DSP: variants seen among roughly 807,000 people sequenced by gnomAD.
DSP encodes desmoplakin, also known as 250/210 kDa paraneoplastic pemphigus antigen.
DSP carries 114 observed loss-of-function variants against 290.6 expected under a neutral mutation model. The observed-to-expected ratio is 0.39, with a 90% confidence interval of 0.34 to 0.46. The LOEUF is 0.46. Among genes scored for constraint, DSP ranks in the 20% least tolerant of loss-of-function variants. The pLI is 0.99. For missense variants in DSP, 3,230 were observed against 3,495.8 expected (o/e 0.92, Z 1.92); for synonymous variants, 1,311 against 1,316.4 (o/e 1.00, Z 0.09).
chr6:7,585,044 C>T lies in DSP; in HGVS notation c.7782C>T (p.Ser2594=). Residue 2594 remains serine, a synonymous_variant, in exon 24 of 24, where the codon TCC becomes TCT. Transcript: ENST00000379802. ...GACATGAATCAGTAAGTAAGATTTC[C>T]ACCATATCCAGCGTCAGGAATTTAA... is the stretch of plus-strand genomic sequence containing the variant. ...SSRHESVSKI[S]TISSVRNLTI... is the part of the protein sequence containing the mutation. 2 of 1,614,196 alleles carry T rather than the reference C, an allele frequency of 1.2e-6. No homozygotes were observed. The highest frequency in any genetic ancestry group is 1.7e-6 in the Non-Finnish European group (2 of 1,180,036).
At position 7,574,572 on chromosome 6, in the gene DSP, C is replaced by T. The variant is rs2259208; in HGVS notation, c.2298-85C>T. 0.64 allele frequency: 1,010,403 copies of T among 1,579,540 alleles called. 325,928 individuals carry two copies. The highest frequency in any genetic ancestry group is 0.83 in the African/African-American group (61,881 of 74,268). ...ATTTTTATCTGCTTTGACGTTGTTC[C>T]CTTTCATTACTAGCTGTGAGAGGCA... On this transcript the variant is annotated intron_variant, in intron 16 of 23. Coordinates refer to ENST00000379802, the MANE Select transcript of DSP (RefSeq NM_004415.4).
rs371234425 is a variant in DSP at position 7,578,483 on chromosome 6, G to A, written c.3005G>A (p.Arg1002Gln). The A allele has an allele frequency of 2.2e-5, 35 of 1,613,076 alleles. No individual in the cohort carries two copies. The highest frequency in any genetic ancestry group is 6.7e-5 in the African/African-American group (5 of 74,704). Residue 1002 changes from arginine to glutamine, a missense_variant, in exon 22 of 24, where the codon CGG (arginine) becomes CAG (glutamine). Physicochemically the swap from Arg to Gln is conservative, Grantham distance 43 (BLOSUM62 1). Around this residue, in one of 5 missense-constraint regions of DSP, gnomAD observed 1,714 missense variants for 1,844.5 expected, o/e 0.93. Coordinates refer to ENST00000379802, the MANE Select transcript of DSP (RefSeq NM_004415.4). Reference sequence around the variant, plus strand: ...TCCAAGGCTGCAGATGTTCATGCTCGGTACATTGAACTACTTACAAGATCT... The same window carrying A: ...TCCAAGGCTGCAGATGTTCATGCTCAGTACATTGAACTACTTACAAGATCT... ...ILQEAADVHA[R>Q]YIELLTRSGD...
chr6:7,566,435 G>A lies in DSP; in HGVS notation c.998G>A (p.Ser333Asn), dbSNP rs749695729. Reference protein sequence around the residue: ...EKELNKLKQESDQLVLNQHPA... With the variant: ...EKELNKLKQENDQLVLNQHPA... ...GAGCTCAATAAGCTGAAACAAGAAA[G>A]TGACCAACTTGTCCTCAATCAGCAT... The change falls in exon 8 of 24, where the codon AGT becomes AAT. Residue 333 changes from serine (S) to asparagine (N), a missense_variant. Coordinates refer to ENST00000379802, the MANE Select transcript of DSP (RefSeq NM_004415.4). 1.9e-6 allele frequency: 3 copies of A among 1,613,934 alleles called. No homozygotes were observed. The Admixed American group carries it at 5.0e-5, about 27-fold the overall frequency.
chr6:7,569,796 T>G (rs1165439042), intron 12 of DSP, among the ~76,000 whole-genome samples: 1 of 151,018 alleles, frequency 6.6e-6, no homozygotes, highest in Non-Finnish European at 1.5e-5. Flanking sequence ...ATCGTGCCAC[T>G]GCACTCCAGC....
rs879917523 is a variant in DSP, at chr6:7,565,148, CAAAA to C, written c.778-202_778-199del. On this transcript the variant is annotated intron_variant, in intron 6 of 23. Transcript: ENST00000379802. This position sits in a 1 kb window ranked among gnomAD's most constrained non-coding sequence, Gnocchi z 4.2. ...GGGAGACGAGAGCGACAGTCCGTCT[CAAAA>C]AAAAAAAAGTTGCTGCCTTCTTGTT... Among the ~76,000 whole-genome samples, 5 of 143,598 alleles carry C rather than the reference CAAAA, an allele frequency of 3.5e-5. No individual in the cohort carries two copies. Among genetic ancestry groups the C allele is most frequent in the African/African-American group, 1.3e-4 (5 of 39,206 alleles). The allele number at this position is 143,598 out of a possible 152,430, so 94.2% of individuals were successfully genotyped here.
In DSP at chr6:7,586,108, A is replaced by C; in HGVS notation, c.*230A>C. 1.9e-6 allele frequency: 1 copy of C among 532,496 alleles called. No homozygotes were observed. The highest frequency in any genetic ancestry group is 3.3e-5 in the East Asian group (1 of 30,674). The allele number at this position is 532,496 out of a possible 1,614,324, so 33.0% of individuals were successfully genotyped here. ...TTGGATGCAGTGCGTCTGAAGTGCTAATCAGTTGTAACAATAGCACAAATC... is the reference window on the plus strand; with the variant it reads ...TTGGATGCAGTGCGTCTGAAGTGCTCATCAGTTGTAACAATAGCACAAATC... On this transcript the variant is annotated 3_prime_UTR_variant, in exon 24 of 24. Coordinates refer to ENST00000379802, the MANE Select transcript of DSP (RefSeq NM_004415.4).
At chr6:7,560,788 G>A (rs548113720) in intron 4 of DSP, among the ~76,000 whole-genome samples, 2 of 152,268 alleles carry the variant, frequency 1.3e-5, no homozygotes, top group South Asian at 4.1e-4. Flanking sequence ...AGTTTGAAAT[G>A]TCATATCTCC....
At position 7,580,644 on chromosome 6, in the gene DSP, G is replaced by A. The variant is rs1759401361; in HGVS notation, c.4454G>A (p.Arg1485Lys). 1 of 1,613,852 alleles carries A rather than the reference G, an allele frequency of 6.2e-7. No homozygotes were observed. The highest frequency in any genetic ancestry group is 1.7e-5 in the Admixed American group (1 of 59,986). ...CAGGATAAAAACAAGGAGATAGAAA[G>A]GTTAAAACAACTGATCGACAAAGAA... Reference protein sequence around the residue: ...TIQDKNKEIERLKQLIDKETN... With the variant: ...TIQDKNKEIEKLKQLIDKETN... The change falls in exon 23 of 24, where the codon AGG becomes AAG. Residue 1485 changes from arginine (R) to lysine (K), a missense_variant. Arg to Lys is a conservative substitution (Grantham distance 26). Transcript: ENST00000379802. The surrounding 1 kb of genome is among the most constrained non-coding windows in gnomAD (Gnocchi z 4.2).
At position 7,579,670 on chromosome 6, in the gene DSP, T is replaced by C. The variant is rs768578898; in HGVS notation, c.3480T>C (p.Ser1160=). The C allele has an allele frequency of 3.7e-6, 6 of 1,613,754 alleles. No individual in the cohort carries two copies. The highest frequency in any genetic ancestry group is 5.1e-6 in the Non-Finnish European group (6 of 1,179,916). The change falls in exon 23 of 24, where the codon TCT becomes TCC. Residue 1160 remains serine (S), a synonymous_variant. Coordinates refer to ENST00000379802, the MANE Select transcript of DSP (RefSeq NM_004415.4). This position sits in a 1 kb window ranked among gnomAD's most constrained non-coding sequence, Gnocchi z 4.1. ...ACCTTGGTTGGCAGAAATTAGAGTC[T>C]GAGAAAGCCATCAAGGAGAAGGAGT... The part of the protein sequence containing the change: ...KENLGWQKLE[S]EKAIKEKEYE...
rs751186152 is a variant in DSP at position 7,580,227 on chromosome 6, A to G, written c.4037A>G (p.Asn1346Ser). The change falls in exon 23 of 24, where the codon AAT becomes AGT. Residue 1346 changes from asparagine (N) to serine (S), a missense_variant. Asn to Ser is a conservative substitution (Grantham distance 46, BLOSUM62 1). Transcript: ENST00000379802. The surrounding 1 kb of genome is among the most constrained non-coding windows in gnomAD (Gnocchi z 4.2). ...GCCAAGCGCCGCTGGGAATATGAAA[A>G]TGAACTGAGTAAGGTAAGAAACAAT... ...EEAKRRWEYE[N>S]ELSKVRNNYD... is the part of the protein sequence containing the mutation. The G allele has an allele frequency of 6.2e-7, 1 of 1,614,116 alleles. No individual in the cohort carries two copies. The highest frequency in any genetic ancestry group is 1.1e-5 in the South Asian group (1 of 91,074).
At position 7,583,446 on chromosome 6, in the gene DSP, C is replaced by T. The variant is rs1581821826; in HGVS notation, c.6184C>T (p.His2062Tyr). 1 of 1,614,136 alleles carries T rather than the reference C, an allele frequency of 6.2e-7. No homozygotes were observed. Among genetic ancestry groups the T allele is most frequent in the East Asian group, 2.2e-5 (1 of 44,880 alleles). ...QAATGGIIDP[H>Y]RNEKLTVDSA... ...AGCTACAGGTGGTATAATTGATCCC[C>T]ATCGGAATGAGAAGCTGACTGTCGA... Residue 2062 changes from histidine (H) to tyrosine (Y), a missense_variant, in exon 24 of 24, where the codon CAT (histidine) becomes TAT (tyrosine). Physicochemically the swap from His to Tyr is moderately conservative, Grantham distance 83 (BLOSUM62 2). This residue lies in a region of DSP where 1,714 missense variants were observed against 1,844.5 expected (regional missense o/e 0.93). Transcript: ENST00000379802. The surrounding 1 kb of genome is among the most constrained non-coding windows in gnomAD (Gnocchi z 4.0).
Position 7,541,681 on chromosome 6 carries a change from C to G in DSP, c.-235C>G. 1 of 567,848 alleles carries G rather than the reference C, an allele frequency of 1.8e-6. No individual in the cohort carries two copies. The highest frequency in any genetic ancestry group is 2.3e-5 in the South Asian group (1 of 44,262). The allele number at this position is 567,848 out of a possible 1,614,324, so 35.2% of individuals were successfully genotyped here. A position where few individuals can be genotyped will look rare whatever the true frequency, so the allele number is the denominator to read the frequency against. On this transcript the variant is annotated 5_prime_UTR_variant, in exon 1 of 24. Transcript: ENST00000379802. ...AGCTCCGACGCAGCTCCTCTGCGCC[C>G]TTGCCGCCCTCCGAGCCACAGCTTT...
rs373804924 is a variant in DSP, at chr6:7,576,421, T to C, written c.2758T>C (p.Ser920Pro). ...CTTAGAATCCATGAAATTTGGAGAT[T>C]CCAACACAGTCATGCGGTTTTTGAA... The part of the protein sequence containing the change: ...DSLESMKFGD[S>P]NTVMRFLNEQ... Residue 920 changes from serine to proline, a missense_variant, in exon 19 of 24, where the codon TCC (serine) becomes CCC (proline). By Grantham distance (74) the Ser-to-Pro change is moderately conservative. This residue lies in a region of DSP where 1,714 missense variants were observed against 1,844.5 expected (regional missense o/e 0.93). Coordinates refer to ENST00000379802, the MANE Select transcript of DSP (RefSeq NM_004415.4). 1.9e-6 allele frequency: 3 copies of C among 1,614,152 alleles called. No homozygotes were observed. The highest frequency in any genetic ancestry group is 2.5e-6 in the Non-Finnish European group (3 of 1,180,016).
chr6:7,543,840 G>A (rs7743128), intron 1 of DSP, among the ~76,000 whole-genome samples: 51,416 of 152,028 alleles, frequency 0.34, 8,830 homozygotes, highest in Middle Eastern at 0.39. Flanking sequence ...TTTTGTAGGG[G>A]AGTAAAACTT....
intron 1 of DSP, among the ~76,000 whole-genome samples, chr6:7,547,839 A>G (rs1758209969): frequency 6.6e-6 from 1 of 152,144 alleles, no homozygotes; most frequent in Non-Finnish European, 1.5e-5. Flanking sequence ...GAACCTGAGG[A>G]ACTCCTGAAA....
rs2113691310 is a variant in DSP at position 7,579,432 on chromosome 6, A to T, written c.3242A>T (p.Glu1081Val). 3 of 1,614,178 alleles carry T rather than the reference A, an allele frequency of 1.9e-6. No individual in the cohort carries two copies. Among genetic ancestry groups the T allele is most frequent in the Non-Finnish European group, 2.5e-6 (3 of 1,180,030 alleles). Reference protein sequence around the residue: ...QFKAKLASLEELKRQAELDGK... With the variant: ...QFKAKLASLEVLKRQAELDGK... ...AAAGCGAAGCTTGCGAGCCTGGAGG[A>T]GCTGAAGAGACAGGCTGAGCTGGAT... Residue 1081 changes from glutamate (E) to valine (V), a missense_variant, in exon 23 of 24, where the codon GAG (glutamate) becomes GTG (valine). Coordinates refer to ENST00000379802, the MANE Select transcript of DSP (RefSeq NM_004415.4). This position sits in a 1 kb window ranked among gnomAD's most constrained non-coding sequence, Gnocchi z 4.1.
rs1554109107 is a variant in DSP, at chr6:7,585,123, G to A, written c.7861G>A (p.Ala2621Thr). The change falls in exon 24 of 24, where the codon GCC becomes ACC. Residue 2621 changes from alanine (A) to threonine (T), a missense_variant. Transcript: ENST00000379802. ...CCTGGAAGAATCGAGCCCCATTGCA[G>A]CCATCTTTGACACAGAAAACCTGGA... is the stretch of plus-strand genomic sequence containing the variant. ...DTLEESSPIA[A>T]IFDTENLEKI... The A allele has an allele frequency of 1.2e-6, 2 of 1,614,158 alleles. No individual in the cohort carries two copies. Among genetic ancestry groups the A allele is most frequent in the Non-Finnish European group, 1.7e-6 (2 of 1,180,034 alleles).
At chr6:7,544,147 T>C (rs1758101685) in intron 1 of DSP, among the ~76,000 whole-genome samples, 1 of 152,162 alleles carries the variant, frequency 6.6e-6, no homozygotes, top group Non-Finnish European at 1.5e-5. Flanking sequence ...CGGGAGGCGG[T>C]CATTCTTTCC....
In DSP at chr6:7,575,447, G is replaced by A. The variant is rs776333869; in HGVS notation, c.2589G>A (p.Leu863=). ...AGTTCGGTGAAAAAGTCACACAGCT[G>A]ACAGACCGCTGGCAAAGGATAGATA... The part of the protein sequence containing the change: ...LGKFGEKVTQ[L]TDRWQRIDKQ... Residue 863 remains leucine (L), a synonymous_variant, in exon 18 of 24, where the codon CTG becomes CTA. Coordinates refer to ENST00000379802, the MANE Select transcript of DSP (RefSeq NM_004415.4). 1 of 1,614,064 alleles carries A rather than the reference G, an allele frequency of 6.2e-7. No homozygotes were observed. The highest frequency in any genetic ancestry group is 1.3e-5 in the African/African-American group (1 of 74,908).
Sources: allele counts gnomAD v4.1 joint callset (sites outside exome capture counted in the v4.1 genomes callset), GRCh38; gene constraint gnomAD v4.1.1; regional missense constraint gnomAD v4.1.1; non-coding constraint Gnocchi (gnomAD v3.1); transcripts MANE v1.5; gene names NCBI Gene and HGNC (gene_info 2026-07-23, HGNC 2026-07-21).